PDP2: variants seen among roughly 807,000 people sequenced by gnomAD.
PDP2 encodes the protein [Pyruvate dehydrogenase [acetyl-transferring]]-phosphatase 2, mitochondrial.
Under a neutral mutation model 34.2 loss-of-function variants are expected in PDP2, and 23 were observed. The observed-to-expected ratio is 0.67, with a 90% CI of 0.48 to 0.95. The LOEUF is 0.95. Ranked by LOEUF, PDP2 falls within the 40% of genes least tolerant of loss-of-function variation. The pLI is 0.00. For synonymous variants in PDP2, 275 were observed against 269.2 expected, an observed-to-expected ratio of 1.02 and a Z score of -0.21; for missense variants, 571 against 659.6, an observed-to-expected ratio of 0.87 and a Z score of 1.47.
In PDP2 at chr16:66,884,544, G is replaced by A. The variant is rs375649017; in HGVS notation, c.260G>A (p.Arg87Gln). 8 of 1,614,068 alleles carry A rather than the reference G, an allele frequency of 5.0e-6. No individual in the cohort carries two copies. Among genetic ancestry groups the A allele is most frequent in the Admixed American group, 1.7e-5 (1 of 60,004 alleles). Residue 87 changes from arginine (R) to glutamine (Q), a missense_variant, in exon 2 of 2, where the codon CGA becomes CAA. Arg to Gln is a conservative substitution (Grantham distance 43). Around this residue, in one of 2 missense-constraint regions of PDP2, gnomAD observed 290 missense variants for 283.8 expected, o/e 1.02. Coordinates refer to ENST00000311765, the MANE Select transcript of PDP2 (RefSeq NM_020786.4). Reference protein sequence around the residue: ...LSPEQINEVLRAGETTHKILD... With the variant: ...LSPEQINEVLQAGETTHKILD... ...CCTGAGCAGATAAATGAAGTGCTTC[G>A]AGCTGGCGAGACAACCCACAAGATT...
Position 66,884,901 on chromosome 16 carries a change from T to A in PDP2, c.617T>A (p.Leu206His). 6.2e-7 allele frequency: 1 copy of A among 1,614,144 alleles called. No homozygotes were observed. Among genetic ancestry groups the A allele is most frequent in the Non-Finnish European group, 8.5e-7 (1 of 1,180,018 alleles). The change falls in exon 2 of 2, where the codon CTT (leucine) becomes CAT (histidine). Residue 206 changes from leucine (L) to histidine (H), a missense_variant. Physicochemically the swap from Leu to His is moderately conservative, Grantham distance 99. Coordinates refer to ENST00000311765, the MANE Select transcript of PDP2 (RefSeq NM_020786.4). ...TACAAGGATGTCACATCTGTGCATC[T>A]TGACCACCTCCGTGTCTATTGGCAG... ...SIYKDVTSVH[L>H]DHLRVYWQEL...
intron 1 of PDP2, chr16:66,883,091 G>A (rs1961588236): frequency 2.6e-5 from 4 of 151,940 alleles, no homozygotes; most frequent in African/African-American, 7.3e-5. Context: ...TCAGCCTTTG[G>A]AGTGGTTACA....
rs755691782 is a variant in PDP2, at chr16:66,884,958, T to A, written c.674T>A (p.Leu225Gln). The A allele has an allele frequency of 1.6e-5, 26 of 1,613,838 alleles. No individual in the cohort carries two copies. Among genetic ancestry groups the A allele is most frequent in the Non-Finnish European group, 2.2e-5 (26 of 1,179,982 alleles). The change falls in exon 2 of 2, where the codon CTA (leucine) becomes CAA (glutamine). Residue 225 changes from leucine to glutamine, a missense_variant. This residue lies in a region of PDP2 where 290 missense variants were observed against 283.8 expected (regional missense o/e 1.02). Coordinates refer to ENST00000311765, the MANE Select transcript of PDP2 (RefSeq NM_020786.4). ...ELLDLHMEMG[L>Q]SIEEALMYSF... ...CTTGATTTGCACATGGAAATGGGACTAAGCATTGAAGAAGCATTAATGTAC... is the reference window on the plus strand; with the variant it reads ...CTTGATTTGCACATGGAAATGGGACAAAGCATTGAAGAAGCATTAATGTAC...
At position 66,885,257 on chromosome 16, in the gene PDP2, C is replaced by T; in HGVS notation, c.973C>T (p.Pro325Ser). Residue 325 changes from proline (P) to serine (S), a missense_variant, in exon 2 of 2, where the codon CCT becomes TCT. By Grantham distance (74) the Pro-to-Ser change is moderately conservative (BLOSUM62 -1). Transcript: ENST00000311765. This position sits in a 1 kb window ranked among gnomAD's most constrained non-coding sequence, Gnocchi z 4.6. ...AELSRLKREH[P>S]ESEDRTIIME... ...GCTGTCCCGGCTAAAGAGGGAGCAC[C>T]CTGAGTCAGAGGACAGGACGATCAT... is the stretch of plus-strand genomic sequence containing the variant. The T allele has an allele frequency of 2.5e-6, 4 of 1,614,174 alleles. No individual in the cohort carries two copies. Among genetic ancestry groups the T allele is most frequent in the Non-Finnish European group, 3.4e-6 (4 of 1,180,052 alleles).
rs1961892571 is a variant in PDP2, at chr16:66,888,894, C to A, written c.*3020C>A. The stretch of plus-strand genomic sequence containing the variant: ...GTTTTTCTCTGCCTAATAGATTTTC[C>A]TGCTTTCTAGTTAGTAATATTGAGA... On this transcript the variant is annotated 3_prime_UTR_variant, in exon 2 of 2. Transcript: ENST00000311765. The A allele has an allele frequency of 6.6e-6, 1 of 152,254 alleles. No individual in the cohort carries two copies. The allele number at this position is 152,254 out of a possible 1,614,324, so 9.4% of individuals were successfully genotyped here. A position where few individuals can be genotyped will look rare whatever the true frequency, so the allele number is the denominator to read the frequency against.
Position 66,885,908 on chromosome 16 carries a change from A to G in PDP2, c.*34A>G. 3 of 1,554,062 alleles carry G rather than the reference A, an allele frequency of 1.9e-6. No individual in the cohort carries two copies. The highest frequency in any genetic ancestry group is 2.6e-6 in the Non-Finnish European group (3 of 1,144,628). On this transcript the variant is annotated 3_prime_UTR_variant, in exon 2 of 2. Transcript: ENST00000311765. This position sits in a 1 kb window ranked among gnomAD's most constrained non-coding sequence, Gnocchi z 4.6. ...CATCCTATTGTCAAGGTTAACATAA[A>G]TGCTCTTCTAAAATGTTTCACTTAC...
At chr16:66,884,189 A>G (rs1420499487) in intron 1 of PDP2, 42 bp from the exon 2 acceptor site, 14 of 1,240,660 alleles carry the variant, frequency 1.1e-5, no homozygotes, top group East Asian at 2.5e-5. Flanking sequence ...AAAAAAAAAA[A>G]AAAAGAAATT....
chr16:66,884,216 C>G lies in PDP2; in HGVS notation c.-54-15C>G. On this transcript the variant is annotated splice_polypyrimidine_tract_variant and intron_variant, in intron 1 of 1. Transcript: ENST00000311765. The stretch of plus-strand genomic sequence containing the variant: ...AAAGAAATTAAATTTGAAACTTCAA[C>G]TTTTTAATTTTTAGGTTTAAAAATA... 2.6e-5 allele frequency: 22 copies of G among 852,516 alleles called. No homozygotes were observed. The highest frequency in any genetic ancestry group is 3.3e-5 in the Non-Finnish European group (19 of 581,038). 52.8% of individuals were successfully genotyped at this position (852,516 alleles called of 1,614,324 possible).
At chr16:66,882,095 G>A (rs1596941046) in intron 1 of PDP2, among the ~76,000 whole-genome samples, 1 of 152,194 alleles carries the variant, frequency 6.6e-6, no homozygotes, top group Admixed American at 6.5e-5. Context: ...GTAGCCATCA[G>A]ATGTGAAAAA....
Position 66,885,412 on chromosome 16 carries a change from C to T in PDP2, c.1128C>T (p.Tyr376=), listed in dbSNP as rs1961713793. ...TCAATACCGAGGCCCTCAACATTTA[C>T]CAGTTCACACCCCCACACTACTACA... ...RGFNTEALNI[Y]QFTPPHYYTP... Residue 376 remains tyrosine, a synonymous_variant, in exon 2 of 2, where the codon TAC becomes TAT. Coordinates refer to ENST00000311765, the MANE Select transcript of PDP2 (RefSeq NM_020786.4). The surrounding 1 kb of genome is among the most constrained non-coding windows in gnomAD (Gnocchi z 4.6). 1.2e-6 allele frequency: 2 copies of T among 1,613,770 alleles called. No homozygotes were observed. The highest frequency in any genetic ancestry group is 1.3e-5 in the African/African-American group (1 of 74,916).
chr16:66,889,160 T>G lies in PDP2; in HGVS notation c.*3286T>G, dbSNP rs1961904327. On this transcript the variant is annotated 3_prime_UTR_variant, in exon 2 of 2. Coordinates refer to ENST00000311765, the MANE Select transcript of PDP2 (RefSeq NM_020786.4). The stretch of plus-strand genomic sequence containing the variant: ...TATTCCTTTTATACGGAGATTTCAG[T>G]ATTGAGACTTAAAATGAACTGAAAA... 6.6e-6 allele frequency: 1 copy of G among 152,216 alleles called. No individual in the cohort carries two copies. Among genetic ancestry groups the G allele is most frequent in the Non-Finnish European group, 1.5e-5 (1 of 68,042 alleles). The allele number at this position is 152,216 out of a possible 1,614,324, so 9.4% of individuals were successfully genotyped here.
At position 66,887,993 on chromosome 16, in the gene PDP2, CCTTCCTTCCTTCCTTCCTT is replaced by C. The variant is rs1372979107; in HGVS notation, c.*2121_*2139del. ...AAATCCATCTTATCTCTTAGTCCGT[CCTTCCTTCCTTCCTTCCTT>C]CCTTCCTTCCTTCCTTCCTTCCTTC... On this transcript the variant is annotated 3_prime_UTR_variant, in exon 2 of 2. Transcript: ENST00000311765. 3 of 7,010 alleles carry C rather than the reference CCTTCCTTCCTTCCTTCCTT, an allele frequency of 4.3e-4. No individual in the cohort carries two copies. Among genetic ancestry groups the C allele is most frequent in the Non-Finnish European group, 8.5e-4 (3 of 3,540 alleles). The allele number at this position is 7,010 out of a possible 1,614,324, so 0.4% of individuals were successfully genotyped here. A position where few individuals can be genotyped will look rare whatever the true frequency, so the allele number is the denominator to read the frequency against.
intron 1 of PDP2, chr16:66,883,014 G>A (rs1961586114): frequency 6.6e-6 from 1 of 152,138 alleles, no homozygotes; most frequent in Non-Finnish European, 1.5e-5. Flanking sequence ...ATTTTTTGTA[G>A]AAACCAGGTC....
chr16:66,891,059 A>G lies in PDP2; in HGVS notation c.*5185A>G, dbSNP rs1174668814. 1 of 152,192 alleles carries G rather than the reference A, an allele frequency of 6.6e-6. No homozygotes were observed. The highest frequency in any genetic ancestry group is 1.5e-5 in the Non-Finnish European group (1 of 68,048). 9.4% of individuals were successfully genotyped at this position (152,192 alleles called of 1,614,324 possible). A position where few individuals can be genotyped will look rare whatever the true frequency, so the allele number is the denominator to read the frequency against. ...CGTATTTGACATTGATTTTCTAACCATTAGAGATATTTAATTAAAACTTGG... is the reference window on the plus strand; with the variant it reads ...CGTATTTGACATTGATTTTCTAACCGTTAGAGATATTTAATTAAAACTTGG... On this transcript the variant is annotated 3_prime_UTR_variant, in exon 2 of 2. Coordinates refer to ENST00000311765, the MANE Select transcript of PDP2 (RefSeq NM_020786.4).
At chr16:66,883,803 T>C (rs1049291399) in intron 1 of PDP2, among the ~76,000 whole-genome samples, 1 of 149,002 alleles carries the variant, frequency 6.7e-6, no homozygotes, top group Non-Finnish European at 1.5e-5. Flanking sequence ...GTGAGTTTAG[T>C]GTATTTTAAA....
In PDP2 at chr16:66,884,271, G is replaced by C; in HGVS notation, c.-14G>C. 6.5e-7 allele frequency: 1 copy of C among 1,530,806 alleles called. No homozygotes were observed. The highest frequency in any genetic ancestry group is 2.3e-5 in the East Asian group (1 of 43,864). The allele number at this position is 1,530,806 out of a possible 1,614,324, so 94.8% of individuals were successfully genotyped here. On this transcript the variant is annotated 5_prime_UTR_variant, in exon 2 of 2. Coordinates refer to ENST00000311765, the MANE Select transcript of PDP2 (RefSeq NM_020786.4). ...TTTTTGCTGAAGGAACACATTTGCT[G>C]GTATAGTTTCAGAATGTCAAGTACT... is the stretch of plus-strand genomic sequence containing the variant.
chr16:66,886,496 G>T lies in PDP2; in HGVS notation c.*622G>T. 2.2e-6 allele frequency: 1 copy of T among 455,546 alleles called. No homozygotes were observed. The highest frequency in any genetic ancestry group is 1.6e-5 in the South Asian group (1 of 63,226). The allele number at this position is 455,546 out of a possible 1,614,324, so 28.2% of individuals were successfully genotyped here. A position where few individuals can be genotyped will look rare whatever the true frequency, so the allele number is the denominator to read the frequency against. ...ATTTTAAAACTGAATCCTTAAACTT[G>T]CAAACACGCCTACTGTAAGCATGCT... is the stretch of plus-strand genomic sequence containing the variant. On this transcript the variant is annotated 3_prime_UTR_variant, in exon 2 of 2. Coordinates refer to ENST00000311765, the MANE Select transcript of PDP2 (RefSeq NM_020786.4).
chr16:66,881,970 C>T (rs1278563606), intron 1 of PDP2, among the ~76,000 whole-genome samples: 6 of 152,212 alleles, frequency 3.9e-5, no homozygotes, highest in Non-Finnish European at 8.8e-5. Flanking sequence ...GCATGAGCCA[C>T]TGTGCCCAGT....
Position 66,885,755 on chromosome 16 carries a change from C to T in PDP2, c.1471C>T (p.Arg491Trp), listed in dbSNP as rs982604001. 17 of 1,613,112 alleles carry T rather than the reference C, an allele frequency of 1.1e-5. No individual in the cohort carries two copies. The highest frequency in any genetic ancestry group is 1.6e-4 in the Middle Eastern group (1 of 6,082). The change falls in exon 2 of 2, where the codon CGG (arginine) becomes TGG (tryptophan). Residue 491 changes from arginine to tryptophan, a missense_variant. Arg to Trp is a moderately radical substitution (Grantham distance 101). Transcript: ENST00000311765. This position sits in a 1 kb window ranked among gnomAD's most constrained non-coding sequence, Gnocchi z 4.6. ...NNEYGEMEAE[R>W]LAAMLTLPED... is the part of the protein sequence containing the mutation. ...TGAGTATGGGGAGATGGAGGCAGAG[C>T]GGCTGGCGGCGATGCTGACATTGCC...
Sources: gnomAD v4.1 joint callset for allele counts (sites outside exome capture counted in the v4.1 genomes callset) on GRCh38, gnomAD v4.1.1 for gene constraint, gnomAD v4.1.1 regional missense constraint, Gnocchi (gnomAD v3.1) non-coding constraint, MANE v1.5 for transcripts, NCBI Gene and HGNC (gene_info 2026-07-23, HGNC 2026-07-21) for gene names.